Variants in SHISA9 observed in about 807,000 individuals in gnomAD.
SHISA9 encodes shisa family member 9.
Under a neutral mutation model 38.0 loss-of-function variants are expected in SHISA9, and 13 were observed. The observed-to-expected ratio is 0.34, with a 90% CI of 0.22 to 0.54. The LOEUF (loss-of-function observed/expected upper bound fraction) is 0.54. Ranked by LOEUF, SHISA9 falls within the 20% of genes least tolerant of loss-of-function variation. The pLI, the probability that SHISA9 is intolerant of heterozygous loss-of-function variation, is 0.91. For missense variants in SHISA9, 538 were observed against 575.8 expected (o/e 0.93, Z 0.67); for synonymous variants, 275 against 242.0 (o/e 1.14, Z -1.27).
chr16:13,361,259 G>A, the SHISA9 span, among the ~76,000 whole-genome samples: 3 of 152,186 alleles, frequency 2.0e-5, no homozygotes, highest in Admixed American at 6.5e-5. Flanking sequence ...TAGAGCTAAC[G>A]CTTTTATTTT....
intron 1 of SHISA9, among the ~76,000 whole-genome samples, chr16:12,908,178 C>T (rs1191454147): frequency 6.6e-6 from 1 of 151,952 alleles, no homozygotes; most frequent in Non-Finnish European, 1.5e-5. Flanking sequence ...TTTTTTACCT[C>T]TTGTCTACTG....
chr16:13,232,958 C>G (rs1274408565), intron 4 of SHISA9, among the ~76,000 whole-genome samples: 4 of 152,214 alleles, frequency 2.6e-5, no homozygotes, highest in South Asian at 2.1e-4. Context: ...AAAAATCTAG[C>G]TATGTTAATA....
At chr16:13,268,946 G>A in the SHISA9 span, among the ~76,000 whole-genome samples, 1 of 152,138 alleles carries the variant, frequency 6.6e-6, no homozygotes, top group Non-Finnish European at 1.5e-5. Flanking sequence ...AACAGATGTA[G>A]CAGTTAATTC....
At chr16:12,997,466 G>A (rs528695173) in intron 2 of SHISA9, among the ~76,000 whole-genome samples, 87 of 150,240 alleles carry the variant, frequency 5.8e-4, no homozygotes, top group South Asian at 5.3e-3. Flanking sequence ...GAGTGCAATG[G>A]TGCGATCTCA....
At chr16:13,525,371 G>C in the SHISA9 span, among the ~76,000 whole-genome samples, 2 of 152,044 alleles carry the variant, frequency 1.3e-5, no homozygotes, top group Non-Finnish European at 2.9e-5. Flanking sequence ...TCCGGGAGTG[G>C]AAAAAAGCTG....
chr16:13,017,770 A>G (rs1005589814), intron 2 of SHISA9, among the ~76,000 whole-genome samples: 1 of 152,228 alleles, frequency 6.6e-6, no homozygotes, highest in Non-Finnish European at 1.5e-5. Context: ...CAGAGCTCAT[A>G]TACTTCATTG....
the SHISA9 span, among the ~76,000 whole-genome samples, chr16:13,259,106 G>C: frequency 7.9e-5 from 12 of 152,172 alleles, no homozygotes; most frequent in Non-Finnish European, 8.8e-5. Context: ...AGATACAATG[G>C]GGGTACAGGT....
chr16:13,033,640 C>T (rs2073018196), intron 2 of SHISA9, among the ~76,000 whole-genome samples: 2 of 152,142 alleles, frequency 1.3e-5, no homozygotes, highest in Admixed American at 1.3e-4. Flanking sequence ...TGGTGGTGTA[C>T]TATTGTATCA....
At chr16:13,052,959 C>CTTTTTTTTTTT (rs925020167) in intron 2 of SHISA9, among the ~76,000 whole-genome samples, 5 of 106,082 alleles carry the variant, frequency 4.7e-5, no homozygotes, top group Non-Finnish European at 7.5e-5. Flanking sequence ...TCCTTCCTTT[C>CTTTTTTTTTTT]TTTTTTTTTT....
At chr16:13,251,473 T>C in the SHISA9 span, among the ~76,000 whole-genome samples, 13 of 152,156 alleles carry the variant, frequency 8.5e-5, no homozygotes, top group Admixed American at 3.3e-4. Context: ...TGTGAGAGGG[T>C]TAACACACCA....
chr16:13,094,015 G>T (rs893001637), intron 2 of SHISA9, among the ~76,000 whole-genome samples: 1 of 152,134 alleles, frequency 6.6e-6, no homozygotes, highest in Non-Finnish European at 1.5e-5. Flanking sequence ...CCCAACAGAA[G>T]CTGGCCCTTT....
chr16:13,548,041 G>A, the SHISA9 span, among the ~76,000 whole-genome samples: 1 of 152,070 alleles, frequency 6.6e-6, no homozygotes, highest in African/African-American at 2.4e-5. Context: ...GAAGAGAATA[G>A]AGAACAAAGA....
chr16:13,204,170 TTATC>T (rs947464139), intron 3 of SHISA9, among the ~76,000 whole-genome samples: 79 of 112,914 alleles, frequency 7.0e-4, no homozygotes, highest in African/African-American at 2.5e-3. Flanking sequence ...ATCTATCTAT[TTATC>T]TATCATCTTT....
intron 2 of SHISA9, among the ~76,000 whole-genome samples, chr16:12,949,113 C>T (rs1015176659): frequency 5.3e-5 from 8 of 152,152 alleles, no homozygotes; most frequent in African/African-American, 1.7e-4. Context: ...TATTTGTACC[C>T]TTCTCTCCCT....
At chr16:13,121,677 C>A (rs951083476) in intron 2 of SHISA9, among the ~76,000 whole-genome samples, 1 of 152,062 alleles carries the variant, frequency 6.6e-6, no homozygotes, top group Non-Finnish European at 1.5e-5. Context: ...AGCATCCACA[C>A]CAAACTGCAT....
chr16:13,417,596 C>A, the SHISA9 span, among the ~76,000 whole-genome samples: 4 of 152,232 alleles, frequency 2.6e-5, no homozygotes, highest in African/African-American at 7.2e-5. Context: ...AACTGCTGAA[C>A]ACCACTGGAT....
chr16:12,940,989 C>G (rs1386461447), intron 2 of SHISA9, among the ~76,000 whole-genome samples: 1 of 152,198 alleles, frequency 6.6e-6, no homozygotes, highest in African/African-American at 2.4e-5. Context: ...TCATGTTTTG[C>G]TACCAACCTG....
chr16:13,118,653 C>T (rs186938805), intron 2 of SHISA9, among the ~76,000 whole-genome samples: 4 of 152,226 alleles, frequency 2.6e-5, no homozygotes, highest in Middle Eastern at 3.4e-3. Context: ...CGATGGTGAC[C>T]ACACCTTGAG....
intron 2 of SHISA9, among the ~76,000 whole-genome samples, chr16:13,147,096 C>T (rs1414702271): frequency 6.6e-6 from 1 of 152,118 alleles, no homozygotes; most frequent in African/African-American, 2.4e-5. Flanking sequence ...TTATTGAGCA[C>T]AAAAGACAGC....
Sources: gnomAD v4.1 joint callset for allele counts (sites outside exome capture counted in the v4.1 genomes callset) on GRCh38, gnomAD v4.1.1 for gene constraint, MANE v1.5 for transcripts, NCBI Gene and HGNC (gene_info 2026-07-23, HGNC 2026-07-21) for gene names.